ALMS1: variants seen among roughly 807,000 people sequenced by gnomAD.
The protein encoded by ALMS1 is centrosome-associated protein ALMS1.
ALMS1 carries 271 observed loss-of-function variants against 352.2 expected under a neutral mutation model. That is an observed-to-expected ratio of 0.77 (90% CI 0.70 to 0.85). The LOEUF (loss-of-function observed/expected upper bound fraction) is 0.85. Among genes scored for constraint, ALMS1 ranks in the 40% least tolerant of loss-of-function variants. The probability of loss-of-function intolerance (pLI) is 0.00; values close to 1 mark genes in which losing one functional copy is unlikely to be tolerated. For synonymous variants in ALMS1, 1,865 were observed against 1,761.2 expected (o/e 1.06, Z -1.48); for missense variants, 5,445 against 4,870.7 (o/e 1.12, Z -3.51).
At chr2:73,604,078 C>T (rs1167165284) in intron 21 of ALMS1, 4 of 152,148 alleles carry the variant, frequency 2.6e-5, no homozygotes, top group African/African-American at 9.7e-5. Context: ...GTATTTGTGC[C>T]TATGTAGATG....
chr2:73,390,005 A>G (rs2103627735), intron 1 of ALMS1, among the ~76,000 whole-genome samples: 1 of 152,230 alleles, frequency 6.6e-6, no homozygotes, highest in South Asian at 2.1e-4. Context: ...TGAACTATCT[A>G]TGGGTAATAG....
intron 11 of ALMS1, among the ~76,000 whole-genome samples, chr2:73,531,219 C>A (rs1024935913): frequency 6.6e-6 from 1 of 152,198 alleles, no homozygotes; most frequent in Non-Finnish European, 1.5e-5. Context: ...GTTCCAATTT[C>A]AAACCCTCTC....
intron 10 of ALMS1, among the ~76,000 whole-genome samples, chr2:73,496,068 T>A (rs1436182890): frequency 6.6e-6 from 1 of 152,252 alleles, no homozygotes; most frequent in Non-Finnish European, 1.5e-5. Context: ...ATTTATAATA[T>A]AGATTCATTA....
chr2:73,466,100 G>T (rs1672336908), intron 9 of ALMS1, among the ~76,000 whole-genome samples: 2 of 152,142 alleles, frequency 1.3e-5, no homozygotes, highest in Non-Finnish European at 2.9e-5. Context: ...TCTAGAACTG[G>T]AAATACCATT....
chr2:73,432,538 G>A (rs75470002), intron 7 of ALMS1, among the ~76,000 whole-genome samples: 6,739 of 148,660 alleles, frequency 0.045, 383 homozygotes, highest in African/African-American at 0.12. Context: ...CCAAGATCAA[G>A]TGCTGGGAGA....
intron 12 of ALMS1, among the ~76,000 whole-genome samples, chr2:73,547,009 GACTTTATGATGGT>G (rs146363730): frequency 0.014 from 2,151 of 152,182 alleles, 48 homozygotes; most frequent in African/African-American, 0.05. Flanking sequence ...ACTATTTTTT[GACTTTATGATGGT>G]ATGGAAATGA....
chr2:73,583,792 A>G (rs948132690), intron 16 of ALMS1, among the ~76,000 whole-genome samples: 1 of 152,256 alleles, frequency 6.6e-6, no homozygotes, highest in East Asian at 1.9e-4. Context: ...TTGAACATAT[A>G]TGCGAGAGTT....
At chr2:73,499,785 C>T (rs1174764117) in intron 10 of ALMS1, among the ~76,000 whole-genome samples, 1 of 152,122 alleles carries the variant, frequency 6.6e-6, no homozygotes, top group Non-Finnish European at 1.5e-5. Context: ...ATGAATGGCT[C>T]AGTGACCTCC....
intron 22 of ALMS1, 104 bp from the exon 23 acceptor site, chr2:73,609,464 G>T: frequency 9.4e-7 from 1 of 1,061,108 alleles, no homozygotes; most frequent in Non-Finnish European, 1.5e-6. Context: ...ATTTGAATAG[G>T]ACCACACTGA....
chr2:73,386,798 A>G (rs1321032372), intron 1 of ALMS1, among the ~76,000 whole-genome samples: 2 of 152,122 alleles, frequency 1.3e-5, no homozygotes, highest in African/African-American at 4.8e-5. Flanking sequence ...GATAATACAC[A>G]ATGGAGAAAG....
rs1223397237 is a variant in ALMS1, at chr2:73,455,239, G to C, written c.7618G>C (p.Val2540Leu). 2 of 1,614,006 alleles carry C rather than the reference G, an allele frequency of 1.2e-6. No homozygotes were observed. Among genetic ancestry groups the C allele is most frequent in the African/African-American group, 2.7e-5 (2 of 74,938 alleles). ...ATTAAATGAAGATGACAGGAGGAAA[G>C]TAGAAGAGATCAAGGCAGAGTTATT... ...SELNEDDRRK[V>L]EEIKAELFGH... is the part of the protein sequence containing the mutation. The change falls in exon 9 of 23, where the codon GTA becomes CTA. Residue 2540 changes from valine to leucine, a missense_variant. Transcript: ENST00000613296.
chr2:73,452,924 G>T lies in ALMS1; in HGVS notation c.6397G>T (p.Val2133Leu), dbSNP rs1247483222. The T allele has an allele frequency of 1.2e-6, 2 of 1,613,676 alleles. No individual in the cohort carries two copies. The highest frequency in any genetic ancestry group is 1.7e-6 in the Non-Finnish European group (2 of 1,179,992). Reference sequence around the variant, plus strand: ...TCCTGGACCAGCTGGCCAGAAAACAGTATTACCAACAGCTCTTCCTAGTTC... The same window carrying T: ...TCCTGGACCAGCTGGCCAGAAAACATTATTACCAACAGCTCTTCCTAGTTC... ...TIPGPAGQKT[V>L]LPTALPSSFS... Residue 2133 changes from valine (V) to leucine (L), a missense_variant, in exon 8 of 23, where the codon GTA (valine) becomes TTA (leucine). Physicochemically the swap from Val to Leu is conservative, Grantham distance 32. Coordinates refer to ENST00000613296, the MANE Select transcript of ALMS1 (RefSeq NM_001378454.1).
intron 7 of ALMS1, among the ~76,000 whole-genome samples, chr2:73,440,718 G>A (rs1671703222): frequency 6.6e-6 from 1 of 152,086 alleles, no homozygotes; most frequent in South Asian, 2.1e-4. Flanking sequence ...AGCAACCACA[G>A]CCAGCCTTGA....
rs748466040 is a variant in ALMS1 at position 73,572,243 on chromosome 2, C to A, written c.10385-19C>A. 1 of 1,597,634 alleles carries A rather than the reference C, an allele frequency of 6.3e-7. No individual in the cohort carries two copies. Among genetic ancestry groups the A allele is most frequent in the Non-Finnish European group, 8.5e-7 (1 of 1,173,732 alleles). On this transcript the variant is annotated intron_variant, in intron 15 of 22. Transcript: ENST00000613296. ...CTAATTTTTTAAGTTCTTTCAAAAT[C>A]TTTTTTTCTCCTTTTCAGAGTCCGA...
At chr2:73,402,744 T>C (rs947600273) in intron 1 of ALMS1, among the ~76,000 whole-genome samples, 1 of 152,182 alleles carries the variant, frequency 6.6e-6, no homozygotes, top group Non-Finnish European at 1.5e-5. Context: ...TGATATTTCA[T>C]TTTGGTTTTA....
chr2:73,412,885 C>CT (rs1397627465), intron 2 of ALMS1, among the ~76,000 whole-genome samples: 2 of 152,220 alleles, frequency 1.3e-5, no homozygotes, highest in African/African-American at 4.8e-5. Flanking sequence ...AAGTACCAAA[C>CT]TGTTTTTCCA....
chr2:73,576,131 C>T (rs1675049841), intron 16 of ALMS1, among the ~76,000 whole-genome samples: 1 of 152,056 alleles, frequency 6.6e-6, no homozygotes, highest in African/African-American at 2.4e-5. Flanking sequence ...TAGCCATATA[C>T]GTGAGGGTTT....
intron 10 of ALMS1, among the ~76,000 whole-genome samples, chr2:73,495,191 C>A (rs186009788): frequency 3.9e-5 from 6 of 152,234 alleles, no homozygotes; most frequent in Admixed American, 2.0e-4. Context: ...GAGCTGGAAT[C>A]AACTGTTTCA....
At chr2:73,579,075 A>C (rs2421554) in intron 16 of ALMS1, among the ~76,000 whole-genome samples, 1 of 129,842 alleles carries the variant, frequency 7.7e-6, no homozygotes, top group Non-Finnish European at 1.6e-5. Flanking sequence ...TTTTTTATTT[A>C]TTTTTTTTTT....
Sources: gnomAD v4.1 joint callset for allele counts (sites outside exome capture counted in the v4.1 genomes callset) on GRCh38, gnomAD v4.1.1 for gene constraint, MANE v1.5 for transcripts, NCBI Gene and HGNC (gene_info 2026-07-23, HGNC 2026-07-21) for gene names.